Variants in CSMD1 observed in about 807,000 individuals in gnomAD.
CSMD1 encodes the protein CUB and sushi domain-containing protein 1.
In CSMD1, 213 loss-of-function variants were observed where a neutral mutation model predicts 417.5. The ratio of observed to expected loss-of-function variants is 0.51; its 90% confidence interval spans 0.46 to 0.57. The LOEUF (loss-of-function observed/expected upper bound fraction) is 0.57. Ranked by LOEUF, CSMD1 falls within the 20% of genes least tolerant of loss-of-function variation. CSMD1 has a pLI of 0.00. For synonymous variants in CSMD1, 2,862 were observed against 1,736.8 expected, an observed-to-expected ratio of 1.65 and a Z score of -16.11; for missense variants, 6,923 against 4,529.7, an observed-to-expected ratio of 1.53 and a Z score of -15.17.
intron 1 of CSMD1, among the ~76,000 whole-genome samples, chr8:4,769,715 G>A (rs572877040): frequency 1.3e-5 from 2 of 152,168 alleles, no homozygotes; most frequent in African/African-American, 4.8e-5. Context: ...GGTGGGAAAC[G>A]AAGTGAAGTC....
intron 10 of CSMD1, among the ~76,000 whole-genome samples, chr8:3,557,510 T>C (rs573235789): frequency 6.6e-6 from 1 of 151,358 alleles, no homozygotes; most frequent in African/African-American, 2.4e-5. Flanking sequence ...TTATGCACCA[T>C]TAAGAAACAA....
chr8:4,015,081 T>C (rs1796457092), intron 4 of CSMD1, among the ~76,000 whole-genome samples: 1 of 152,210 alleles, frequency 6.6e-6, no homozygotes, highest in Non-Finnish European at 1.5e-5. Context: ...TGGAATTGTT[T>C]ATTGCAAAGT....
At chr8:4,422,328 C>G (rs569314452) in intron 2 of CSMD1, among the ~76,000 whole-genome samples, 2 of 152,050 alleles carry the variant, frequency 1.3e-5, no homozygotes, top group South Asian at 4.1e-4. Context: ...CTGAATTATG[C>G]TCCTCCCACC....
At chr8:3,004,821 G>A (rs1273100750) in intron 52 of CSMD1, among the ~76,000 whole-genome samples, 1 of 152,142 alleles carries the variant, frequency 6.6e-6, no homozygotes, top group Non-Finnish European at 1.5e-5. Flanking sequence ...TTTACACACT[G>A]TTCTACAAAA....
chr8:4,312,550 C>G (rs369624497), intron 3 of CSMD1, among the ~76,000 whole-genome samples: 5 of 151,120 alleles, frequency 3.3e-5, no homozygotes, highest in African/African-American at 1.2e-4. Flanking sequence ...ATTGAAAGGG[C>G]TCACAGTCGT....
chr8:4,936,933 G>A lies in CSMD1; in HGVS notation c.85+57399C>T, dbSNP rs528692415. On this transcript the variant is annotated intron_variant, in intron 1 of 69. Coordinates refer to ENST00000635120, the MANE Select transcript of CSMD1 (RefSeq NM_033225.6). ...TTCTTTAAATGTTATTTTTGTTGTC[G>A]GCTCTGGTGGCTCATACCTATAACC... Among the ~76,000 whole-genome samples the A allele has an allele frequency of 8.6e-5, 13 of 151,638 alleles. 1 individual carries two copies. The South Asian group carries it at 1.0e-3, about 12-fold the overall frequency.
chr8:3,321,734 T>C (rs757766460), intron 23 of CSMD1, among the ~76,000 whole-genome samples: 4 of 152,220 alleles, frequency 2.6e-5, no homozygotes, highest in Non-Finnish European at 5.9e-5. Context: ...AGTAAGCTTC[T>C]AGTGATTTCA....
chr8:4,568,265 T>TA (rs1798712576), intron 2 of CSMD1, among the ~76,000 whole-genome samples: 1 of 152,090 alleles, frequency 6.6e-6, no homozygotes, highest in African/African-American at 2.4e-5. Flanking sequence ...CCCCTAATGC[T>TA]ATGCTATCCC....
intron 1 of CSMD1, among the ~76,000 whole-genome samples, chr8:4,976,473 C>G (rs1378693620): frequency 6.6e-6 from 1 of 152,152 alleles, no homozygotes; most frequent in Non-Finnish European, 1.5e-5. Flanking sequence ...ACTGACTTCA[C>G]AATGCTCCTA....
chr8:4,560,243 C>A (rs1026887725), intron 2 of CSMD1, among the ~76,000 whole-genome samples: 3 of 152,188 alleles, frequency 2.0e-5, no homozygotes, highest in Non-Finnish European at 4.4e-5. Context: ...TCATTTCCTG[C>A]CAAAGTAATT....
intron 18 of CSMD1, among the ~76,000 whole-genome samples, chr8:3,379,771 A>T (rs188983059): frequency 6.6e-6 from 1 of 152,188 alleles, no homozygotes; most frequent in Admixed American, 6.5e-5. Flanking sequence ...AGACTTAAAC[A>T]TAAGACCTAA....
At chr8:3,220,634 C>G (rs938017121) in intron 28 of CSMD1, among the ~76,000 whole-genome samples, 1 of 152,168 alleles carries the variant, frequency 6.6e-6, no homozygotes, top group African/African-American at 2.4e-5. Flanking sequence ...AGTTCGAGAA[C>G]AGCCTGGCCA....
At chr8:4,602,007 T>A (rs545098879) in intron 2 of CSMD1, among the ~76,000 whole-genome samples, 2 of 152,196 alleles carry the variant, frequency 1.3e-5, no homozygotes, top group East Asian at 3.9e-4. Flanking sequence ...ATCTTTACCT[T>A]CCAAATGACA....
At chr8:4,582,423 G>T (rs570313553) in intron 2 of CSMD1, among the ~76,000 whole-genome samples, 1 of 152,190 alleles carries the variant, frequency 6.6e-6, no homozygotes, top group Non-Finnish European at 1.5e-5. Flanking sequence ...TGAGGAGCCA[G>T]AATAACGGAG....
intron 1 of CSMD1, among the ~76,000 whole-genome samples, chr8:4,931,759 A>G (rs1364166784): frequency 6.6e-6 from 1 of 152,248 alleles, no homozygotes; most frequent in Non-Finnish European, 1.5e-5. Flanking sequence ...TTTGGAGAGA[A>G]TGGCTACCAC....
chr8:4,413,830 T>C (rs1318629757), intron 3 of CSMD1, among the ~76,000 whole-genome samples: 1 of 152,144 alleles, frequency 6.6e-6, no homozygotes, highest in Non-Finnish European at 1.5e-5. Flanking sequence ...AGGACCCTAC[T>C]TCTACTTGTT....
intron 3 of CSMD1, among the ~76,000 whole-genome samples, chr8:4,411,981 T>C (rs1375609925): frequency 2.3e-5 from 3 of 127,784 alleles, no homozygotes; most frequent in East Asian, 2.4e-4. Flanking sequence ...CACAGCAACA[T>C]AGCTAAGGGT....
chr8:3,741,752 G>A (rs879737334), intron 6 of CSMD1, among the ~76,000 whole-genome samples: 2 of 152,104 alleles, frequency 1.3e-5, no homozygotes, highest in African/African-American at 2.4e-5. Context: ...ATACCCAGTG[G>A]TGGTTGAATT....
intron 3 of CSMD1, among the ~76,000 whole-genome samples, chr8:4,186,047 G>A (rs1504762): frequency 0.98 from 148,605 of 152,170 alleles, 72,650 homozygotes; most frequent in East Asian, 1. Context: ...GCCTGGGTGG[G>A]CCTGGATTCT....
Sources: gnomAD v4.1 joint callset for allele counts (sites outside exome capture counted in the v4.1 genomes callset) on GRCh38, gnomAD v4.1.1 for gene constraint, MANE v1.5 for transcripts, NCBI Gene and HGNC (gene_info 2026-07-23, HGNC 2026-07-21) for gene names.